PRKCE: variants seen among roughly 807,000 people sequenced by gnomAD.
The protein encoded by PRKCE is protein kinase C epsilon.
Under a neutral mutation model 85.4 loss-of-function variants are expected in PRKCE, and 16 were observed. That is an observed-to-expected ratio of 0.19 (90% CI 0.13 to 0.28). PRKCE has a LOEUF of 0.28. Ranked by LOEUF, PRKCE falls within the 10% of genes least tolerant of loss-of-function variation. The pLI, the probability that PRKCE is intolerant of heterozygous loss-of-function variation, is 1.00. For missense variants in PRKCE, 573 were observed against 975.2 expected, an observed-to-expected ratio of 0.59 and a Z score of 5.49; for synonymous variants, 388 against 371.5, an observed-to-expected ratio of 1.04 and a Z score of -0.51.
intron 1 of PRKCE, among the ~76,000 whole-genome samples, chr2:45,818,131 AT>A (rs1353634917): frequency 6.6e-6 from 1 of 152,202 alleles, no homozygotes; most frequent in Non-Finnish European, 1.5e-5. Flanking sequence ...TACACAATCA[AT>A]TGGTCCATAA....
At chr2:46,149,950 G>A (rs1252171087) in intron 12 of PRKCE, among the ~76,000 whole-genome samples, 7 of 151,038 alleles carry the variant, frequency 4.6e-5, no homozygotes, top group East Asian at 1.9e-4. Flanking sequence ...TCAAACTCCC[G>A]GGCTCAAGTG....
At chr2:45,804,357 C>T (rs955879147) in intron 1 of PRKCE, among the ~76,000 whole-genome samples, 3 of 152,164 alleles carry the variant, frequency 2.0e-5, no homozygotes, top group African/African-American at 7.2e-5. Flanking sequence ...GCAGGCCCCA[C>T]CCCATCCCTA....
At chr2:46,049,357 A>G (rs997210166) in intron 10 of PRKCE, among the ~76,000 whole-genome samples, 1 of 152,182 alleles carries the variant, frequency 6.6e-6, no homozygotes, top group Non-Finnish European at 1.5e-5. Context: ...GACAATGCAC[A>G]TAGCCCAGCT....
intron 2 of PRKCE, among the ~76,000 whole-genome samples, chr2:45,869,670 ATTTTTC>A (rs1350652364): frequency 8.4e-6 from 1 of 119,300 alleles, no homozygotes; most frequent in Non-Finnish European, 1.8e-5. Flanking sequence ...GGTCTGTTAC[ATTTTTC>A]TTTTTGTTTT....
chr2:46,034,828 G>C (rs886586389), intron 10 of PRKCE, among the ~76,000 whole-genome samples: 3 of 152,242 alleles, frequency 2.0e-5, no homozygotes, highest in Non-Finnish European at 4.4e-5. Context: ...CGTATCAGAG[G>C]CCAAACAGTA....
chr2:46,159,748 G>A lies in PRKCE; in HGVS notation c.2063G>A (p.Arg688His). The change falls in exon 14 of 15, where the codon CGC (arginine) becomes CAC (histidine). Residue 688 changes from arginine to histidine, a missense_variant. Physicochemically the swap from Arg to His is conservative, Grantham distance 29. Coordinates refer to ENST00000306156, the MANE Select transcript of PRKCE (RefSeq NM_005400.3). This position sits in a 1 kb window ranked among gnomAD's most constrained non-coding sequence, Gnocchi z 4.1. ...AAGATCAAGCCACCCTTCAAACCACGCATTGTAAGTTGGTCCCCGTGCACG... is the reference window on the plus strand; with the variant it reads ...AAGATCAAGCCACCCTTCAAACCACACATTGTAAGTTGGTCCCCGTGCACG... ...QKKIKPPFKP[R>H]IKTKRDVNNF... 1 of 1,598,926 alleles carries A rather than the reference G, an allele frequency of 6.3e-7. No homozygotes were observed. Among genetic ancestry groups the A allele is most frequent in the Non-Finnish European group, 8.5e-7 (1 of 1,179,680 alleles).
chr2:46,062,418 T>G lies in PRKCE; in HGVS notation c.1438-23790T>G, dbSNP rs866520855. On this transcript the variant is annotated intron_variant, in intron 10 of 14. Coordinates refer to ENST00000306156, the MANE Select transcript of PRKCE (RefSeq NM_005400.3). ...CAGACTCTCTTTCAAAGTGTGCCCCTTAGGAAGCCATGAGAAGCCCAGTGT... is the reference window on the plus strand; with the variant it reads ...CAGACTCTCTTTCAAAGTGTGCCCCGTAGGAAGCCATGAGAAGCCCAGTGT... Among the ~76,000 whole-genome samples, 5 of 152,116 alleles carry G rather than the reference T, an allele frequency of 3.3e-5. No individual in the cohort carries two copies. In the South Asian group the frequency reaches 8.3e-4, roughly 25 times the overall value.
chr2:45,903,881 G>T (rs1419519448), intron 2 of PRKCE, among the ~76,000 whole-genome samples: 5 of 117,204 alleles, frequency 4.3e-5, no homozygotes, highest in Admixed American at 8.0e-5. Context: ...TAGCCTGGCA[G>T]TTTTTTTTTG....
chr2:46,035,695 A>G (rs1354501965), intron 10 of PRKCE, among the ~76,000 whole-genome samples: 1 of 152,268 alleles, frequency 6.6e-6, no homozygotes, highest in East Asian at 1.9e-4. Flanking sequence ...ATAAATTACT[A>G]TATATGGTGT....
intron 1 of PRKCE, among the ~76,000 whole-genome samples, chr2:45,678,602 G>A (rs1251033138): frequency 1.3e-5 from 2 of 152,100 alleles, no homozygotes; most frequent in South Asian, 2.1e-4. Flanking sequence ...GAAGGCAAAC[G>A]ACTCTATTTT....
In PRKCE at chr2:45,741,152, A is replaced by G. The variant is rs558399986; in HGVS notation, c.348+88704A>G. On this transcript the variant is annotated intron_variant, in intron 1 of 14. Transcript: ENST00000306156. ...GGGGATCCCAAATGTGATTGCTTCT[A>G]TCGGTGCCTGTAAAGGAGTCTGTAA... Among the ~76,000 whole-genome samples the G allele has an allele frequency of 9.5e-4, 145 of 152,346 alleles. 1 individual carries two copies. The highest frequency in any genetic ancestry group is 3.3e-3 in the African/African-American group (139 of 41,584).
chr2:45,745,601 G>A (rs1190741285), intron 1 of PRKCE, among the ~76,000 whole-genome samples: 2 of 152,104 alleles, frequency 1.3e-5, no homozygotes, highest in Non-Finnish European at 2.9e-5. Flanking sequence ...AATGGAGCTG[G>A]GTATGGGGTG....
intron 1 of PRKCE, among the ~76,000 whole-genome samples, chr2:45,840,092 C>T (rs1691223515): frequency 6.6e-6 from 1 of 152,198 alleles, no homozygotes; most frequent in South Asian, 2.1e-4. Flanking sequence ...AAGCCCATCT[C>T]ATTCCTTTGC....
chr2:45,801,034 G>A (rs1265387004), intron 1 of PRKCE, among the ~76,000 whole-genome samples: 1 of 152,258 alleles, frequency 6.6e-6, no homozygotes, highest in South Asian at 2.1e-4. Context: ...GGGGGGAAGG[G>A]CATTCCAGGC....
intron 1 of PRKCE, among the ~76,000 whole-genome samples, chr2:45,806,433 T>C (rs1375898396): frequency 6.6e-6 from 1 of 152,220 alleles, no homozygotes; most frequent in Admixed American, 6.5e-5. Context: ...TGTGGCAAAA[T>C]ACACATAAAA....
At chr2:46,081,740 CTT>C (rs1235271031) in intron 10 of PRKCE, among the ~76,000 whole-genome samples, 1 of 152,224 alleles carries the variant, frequency 6.6e-6, no homozygotes, top group African/African-American at 2.4e-5. Context: ...ATCACACAGA[CTT>C]TGAAGCATAT....
At chr2:45,978,842 G>A in intron 3 of PRKCE, 134 bp from the exon 4 acceptor site, 1 of 718,034 alleles carries the variant, frequency 1.4e-6, no homozygotes, top group Non-Finnish European at 2.3e-6. Context: ...AAGTGAGAGA[G>A]AAATTACAAT....
At chr2:45,928,180 G>A (rs1698770636) in intron 2 of PRKCE, among the ~76,000 whole-genome samples, 1 of 152,186 alleles carries the variant, frequency 6.6e-6, no homozygotes. Context: ...AGGTGGCTGA[G>A]TCCCAGTGAC....
intron 1 of PRKCE, among the ~76,000 whole-genome samples, chr2:45,670,162 G>A (rs1438292043): frequency 6.6e-6 from 1 of 152,222 alleles, no homozygotes; most frequent in Admixed American, 6.5e-5. Context: ...CACCCAGTAA[G>A]TCGGCCGCGT....
Sources: allele counts gnomAD v4.1 joint callset (sites outside exome capture counted in the v4.1 genomes callset), GRCh38; gene constraint gnomAD v4.1.1; non-coding constraint Gnocchi (gnomAD v3.1); transcripts MANE v1.5; gene names NCBI Gene and HGNC (gene_info 2026-07-23, HGNC 2026-07-21).